CYP24A1: variants seen among roughly 807,000 people sequenced by gnomAD.
CYP24A1 encodes the protein 1,25-dihydroxyvitamin D(3) 24-hydroxylase, mitochondrial.
In CYP24A1, 68 loss-of-function variants were observed where a neutral mutation model predicts 62.4. The observed-to-expected ratio is 1.09, with a 90% CI of 0.90 to 1.33. CYP24A1 has a LOEUF of 1.33. Ranked by LOEUF, CYP24A1 falls within the 40% of genes most tolerant of loss-of-function variation. CYP24A1 has a pLI of 0.00. For missense variants in CYP24A1, 787 were observed against 653.0 expected, an observed-to-expected ratio of 1.21 and a Z score of -2.24; for synonymous variants, 267 against 253.0, an observed-to-expected ratio of 1.06 and a Z score of -0.52.
In CYP24A1 at chr20:54,173,434, C is replaced by T; in HGVS notation, c.146G>A (p.Gly49Asp). Residue 49 changes from glycine to aspartate, a missense_variant, in exon 1 of 12, where the codon GGT becomes GAT. By Grantham distance (94) the Gly-to-Asp change is moderately conservative. Coordinates refer to ENST00000216862, the MANE Select transcript of CYP24A1 (RefSeq NM_000782.5). This position sits in a 1 kb window ranked among gnomAD's most constrained non-coding sequence, Gnocchi z 7.2. ...REVPVCPLTA[G>D]GETQNAAALP... ...GGCGGCCGCGTTCTGAGTCTCGCCA[C>T]CAGCTGTCAGCGGGCAGACTGGCAC... is the stretch of plus-strand genomic sequence containing the variant. The T allele has an allele frequency of 3.8e-6, 6 of 1,570,652 alleles. No homozygotes were observed. The highest frequency in any genetic ancestry group is 1.9e-5 in the Admixed American group (1 of 53,520).
At position 54,165,598 on chromosome 20, in the gene CYP24A1, A is replaced by G. The variant is rs530974408; in HGVS notation, c.732+144T>C. 242 of 706,538 alleles carry G rather than the reference A, an allele frequency of 3.4e-4. No individual in the cohort carries two copies. In the African/African-American group the frequency reaches 3.8e-3, roughly 11 times the overall value. 43.8% of individuals were successfully genotyped at this position (706,538 alleles called of 1,614,324 possible). A position where few individuals can be genotyped will look rare whatever the true frequency, so the allele number is the denominator to read the frequency against. On this transcript the variant is annotated intron_variant, in intron 5 of 11. Transcript: ENST00000216862. Reference sequence around the variant, plus strand: ...TATATGCACATAAATATACTAAAATATATAATGCACATTAAAATGAACACT... The same window carrying G: ...TATATGCACATAAATATACTAAAATGTATAATGCACATTAAAATGAACACT...
chr20:54,160,996 C>T (rs1601131063), intron 7 of CYP24A1, among the ~76,000 whole-genome samples: 1 of 152,360 alleles, frequency 6.6e-6, no homozygotes, highest in East Asian at 1.9e-4. Context: ...CTCCATCCAC[C>T]AGCCAGAGCC....
Position 54,165,781 on chromosome 20 carries a change from T to C in CYP24A1, c.693A>G (p.Ala231=). The C allele has an allele frequency of 6.5e-7, 1 of 1,545,628 alleles. No homozygotes were observed. Among genetic ancestry groups the C allele is most frequent in the Non-Finnish European group, 9.0e-7 (1 of 1,117,214 alleles). Residue 231 remains alanine, a synonymous_variant, in exon 5 of 12, where the codon GCA becomes GCG. Transcript: ENST00000216862. ...TGATGAAGTTCACAGCTTCATCCCC[T>C]GCATTCTTCTGGAGAAGCCCAAATC... ...EKRFGLLQKN[A]GDEAVNFIMA... is the part of the protein sequence containing the mutation.
intron 7 of CYP24A1, among the ~76,000 whole-genome samples, chr20:54,162,159 T>C (rs1238500234): frequency 1.3e-5 from 2 of 151,174 alleles, no homozygotes; most frequent in East Asian, 3.9e-4. Context: ...CCCAGACTCT[T>C]TGGGACTTTG....
chr20:54,161,782 C>T lies in CYP24A1; in HGVS notation c.990+935G>A, dbSNP rs575719265. Among the ~76,000 whole-genome samples, 7 of 152,254 alleles carry T rather than the reference C, an allele frequency of 4.6e-5. No individual in the cohort carries two copies. The South Asian group carries it at 1.5e-3, about 32-fold the overall frequency. Reference sequence around the variant, plus strand: ...GCGAGGATGGATTCCCACTTTCAACCGCCTTGTGGAGCAGGAGGAGAAATG... The same window carrying T: ...GCGAGGATGGATTCCCACTTTCAACTGCCTTGTGGAGCAGGAGGAGAAATG... On this transcript the variant is annotated intron_variant, in intron 7 of 11. Transcript: ENST00000216862.
chr20:54,167,496 G>T (rs1052104811), intron 4 of CYP24A1, among the ~76,000 whole-genome samples: 2 of 152,182 alleles, frequency 1.3e-5, no homozygotes, highest in African/African-American at 4.8e-5. Flanking sequence ...AGTTAGTCAG[G>T]CGTGGTATCG....
chr20:54,162,836 C>G lies in CYP24A1; in HGVS notation c.871G>C (p.Glu291Gln). The part of the protein sequence containing the change: ...SVKACIDNRL[E>Q]KYSQQPSADF... The stretch of plus-strand genomic sequence containing the variant: ...GCACTAGGCTGCTGAGAATACTTCT[C>G]TAACCGGTTGTCGATACAAGCTTTG... Residue 291 changes from glutamate (E) to glutamine (Q), a missense_variant, in exon 7 of 12, where the codon GAG becomes CAG. Transcript: ENST00000216862. 1 of 1,575,668 alleles carries G rather than the reference C, an allele frequency of 6.3e-7. No homozygotes were observed. The highest frequency in any genetic ancestry group is 8.7e-7 in the Non-Finnish European group (1 of 1,145,108).
In CYP24A1 at chr20:54,169,680, G is replaced by A. The variant is rs2296241; in HGVS notation, c.552C>T (p.Ala184=). 0.52 allele frequency: 835,516 copies of A among 1,613,638 alleles called. 218,057 individuals are homozygous for A. The highest frequency in any genetic ancestry group is 0.58 in the Middle Eastern group (3,488 of 6,060). Residue 184 remains alanine, a synonymous_variant, in exon 4 of 12, where the codon GCC becomes GCT. Coordinates refer to ENST00000216862, the MANE Select transcript of CYP24A1 (RefSeq NM_000782.5). ...KLDNKINEVL[A]DFMGRIDELC... is the part of the protein sequence containing the mutation. The stretch of plus-strand genomic sequence containing the variant: ...GCTCATCTATTCTGCCCATAAAATC[G>A]GCCAAGACCTTCAAAGAAAACAACC...
At position 54,158,093 on chromosome 20, in the gene CYP24A1, G is replaced by C. The variant is rs752545331; in HGVS notation, c.1229C>G (p.Pro410Arg). 31 of 1,613,646 alleles carry C rather than the reference G, an allele frequency of 1.9e-5. No individual in the cohort carries two copies. The highest frequency in any genetic ancestry group is 2.6e-5 in the Non-Finnish European group (31 of 1,180,006). Residue 410 changes from proline (P) to arginine (R), a missense_variant, in exon 9 of 12, where the codon CCC (proline) becomes CGC (arginine). Pro to Arg is a moderately radical substitution (Grantham distance 103). Coordinates refer to ENST00000216862, the MANE Select transcript of CYP24A1 (RefSeq NM_000782.5). ...TATACAAATTCTACTTACTCCTTTG[G>C]GTAAAGCATATTCACCCAGAACTGT... Reference protein sequence around the residue: ...KATVLGEYALPKGTVLMLNTQ... With the variant: ...KATVLGEYALRKGTVLMLNTQ...
chr20:54,163,939 T>C (rs2092661720), intron 6 of CYP24A1, among the ~76,000 whole-genome samples: 1 of 152,146 alleles, frequency 6.6e-6, no homozygotes, highest in Non-Finnish European at 1.5e-5. Context: ...TCTATAAATT[T>C]TACTTTTTTA....
rs10689729 is a variant in CYP24A1 at position 54,159,397 on chromosome 20, G to GTTT, written c.991-277_991-275dup. Among the ~76,000 whole-genome samples the GTTT allele has an allele frequency of 0.21, 29,237 of 139,850 alleles. 3,625 individuals are homozygous for GTTT. The highest frequency in any genetic ancestry group is 0.31 in the African/African-American group (11,767 of 37,600). 91.7% of individuals were successfully genotyped at this position (139,850 alleles called of 152,430 possible). ...AGCTGCTTTAGAACATTTAAATACA[G>GTTT]TTTTTTTTTTTTTTTGAGATGGAGT... On this transcript the variant is annotated intron_variant, in intron 7 of 11. Transcript: ENST00000216862.
intron 7 of CYP24A1, among the ~76,000 whole-genome samples, chr20:54,161,222 G>T (rs923656257): frequency 2.6e-5 from 4 of 152,190 alleles, no homozygotes; most frequent in Non-Finnish European, 5.9e-5. Context: ...TGCATGGGCC[G>T]TTTCCTCTAC....
chr20:54,146,815 G>C, the CYP24A1 span, among the ~76,000 whole-genome samples: 1 of 152,164 alleles, frequency 6.6e-6, no homozygotes, highest in Non-Finnish European at 1.5e-5. Context: ...AGAAGCTCAG[G>C]TGCAAGGCAT....
chr20:54,167,721 C>A (rs560302268), intron 4 of CYP24A1, among the ~76,000 whole-genome samples: 4 of 152,060 alleles, frequency 2.6e-5, no homozygotes, highest in Non-Finnish European at 5.9e-5. Flanking sequence ...TGCAGTGAGC[C>A]GAGATCACGC....
chr20:54,170,592 A>T lies in CYP24A1; in HGVS notation c.544-904T>A, dbSNP rs575537660. Among the ~76,000 whole-genome samples the T allele has an allele frequency of 5.3e-5, 8 of 152,346 alleles. No homozygotes were observed. In the East Asian group the frequency reaches 1.5e-3, roughly 29 times the overall value. On this transcript the variant is annotated intron_variant, in intron 3 of 11. Transcript: ENST00000216862. ...AAAAAACAAGAGGTTTCATATGAACATATGGATTTACCACTACTAGTTTAA... is the reference window on the plus strand; with the variant it reads ...AAAAAACAAGAGGTTTCATATGAACTTATGGATTTACCACTACTAGTTTAA...
chr20:54,167,794 C>G (rs562419153), intron 4 of CYP24A1, among the ~76,000 whole-genome samples: 7 of 152,050 alleles, frequency 4.6e-5, no homozygotes, highest in African/African-American at 1.4e-4. Context: ...AAAAAAGTTA[C>G]TTATATTTAT....
the CYP24A1 span, among the ~76,000 whole-genome samples, chr20:54,143,676 A>G: frequency 6.6e-6 from 1 of 152,014 alleles, no homozygotes; most frequent in Admixed American, 6.5e-5. Flanking sequence ...TTCTAAGGTG[A>G]TAGAGATCCA....
rs756319778 is a variant in CYP24A1, at chr20:54,164,489, C to T, written c.807G>A (p.Gln269=). 1.2e-6 allele frequency: 2 copies of T among 1,614,154 alleles called. No homozygotes were observed. Among genetic ancestry groups the T allele is most frequent in the Admixed American group, 3.3e-5 (2 of 60,030 alleles). The change falls in exon 6 of 12, where the codon CAG becomes CAA. Residue 269 remains glutamine, a synonymous_variant. Transcript: ENST00000216862. Reference sequence around the variant, plus strand: ...TGGTGTCCCAGGCCAGAGTGTGGTCCTGCCAGACCTTGGTGTTGAGGCTCT... The same window carrying T: ...TGGTGTCCCAGGCCAGAGTGTGGTCTTGCCAGACCTTGGTGTTGAGGCTCT... ...LHKSLNTKVW[Q]DHTLAWDTIF...
At chr20:54,158,706 G>A (rs1354493624) in intron 8 of CYP24A1, among the ~76,000 whole-genome samples, 1 of 152,132 alleles carries the variant, frequency 6.6e-6, no homozygotes, top group African/African-American at 2.4e-5. Context: ...AGTGCTTACA[G>A]CGTTCATTAG....
Sources: allele counts gnomAD v4.1 joint callset (sites outside exome capture counted in the v4.1 genomes callset), GRCh38; gene constraint gnomAD v4.1.1; non-coding constraint Gnocchi (gnomAD v3.1); transcripts MANE v1.5; gene names NCBI Gene and HGNC (gene_info 2026-07-23, HGNC 2026-07-21).